The following RAD51 variants were observed in gnomAD, a reference collection of about 807,000 sequenced individuals.
The protein encoded by RAD51 is DNA repair protein RAD51 homolog 1.
In RAD51, 14 loss-of-function variants were observed where a neutral mutation model predicts 41.5. That is an observed-to-expected ratio of 0.34 (90% CI 0.22 to 0.53). RAD51 has a LOEUF of 0.53. RAD51 is among the 20% of genes least tolerant of loss of function. RAD51 has a pLI of 0.95. For missense variants in RAD51, 234 were observed against 422.0 expected (o/e 0.55, Z 3.90); for synonymous variants, 136 against 148.6 (o/e 0.92, Z 0.62).
At chr15:40,728,231 A>C (rs1036177026) in intron 6 of RAD51, among the ~76,000 whole-genome samples, 1 of 152,160 alleles carries the variant, frequency 6.6e-6, no homozygotes, top group Non-Finnish European at 1.5e-5. Flanking sequence ...TGGGAGGCCA[A>C]GGTGGGCGGA....
chr15:40,731,169 C>T lies in RAD51; in HGVS notation c.1011C>T (p.Ala337=), dbSNP rs202116013. The change falls in exon 10 of 10, where the codon GCC becomes GCT. Residue 337 remains alanine (A), a synonymous_variant. Coordinates refer to ENST00000267868, the MANE Select transcript of RAD51 (RefSeq NM_002875.5). ...FAINADGVGD[A]KD ...TTAATGCAGATGGAGTGGGAGATGC[C>T]AAAGACTGAATCATTGGGTTTTTCC... 1.5e-4 allele frequency: 244 copies of T among 1,613,888 alleles called. No homozygotes were observed. Among genetic ancestry groups the T allele is most frequent in the Non-Finnish European group, 1.9e-4 (223 of 1,179,988 alleles).
chr15:40,707,096 T>C (rs946796269), intron 4 of RAD51, among the ~76,000 whole-genome samples: 4 of 149,724 alleles, frequency 2.7e-5, no homozygotes, highest in African/African-American at 9.9e-5. Context: ...GCTCAAGTGA[T>C]CTTCTAGCCT....
chr15:40,729,372 CAAAAAAAAA>C (rs60375696), intron 7 of RAD51, 124 bp from the exon 8 acceptor site: 188 of 484,168 alleles, frequency 3.9e-4, no homozygotes, highest in Middle Eastern at 7.4e-4. Context: ...GACTCCATCT[CAAAAAAAAA>C]AAAAAAAAAA....
chr15:40,714,550 C>T (rs116246776), intron 5 of RAD51, among the ~76,000 whole-genome samples: 196 of 152,192 alleles, frequency 1.3e-3, no homozygotes, highest in African/African-American at 4.6e-3. Flanking sequence ...GCAAAATTCT[C>T]AAGTAAATAT....
upstream of RAD51, chr15:40,695,025 A>T (rs1202732274): frequency 6.6e-6 from 1 of 152,274 alleles, no homozygotes; most frequent in African/African-American, 2.4e-5. Context: ...AAAAGGGAAG[A>T]GGGCAGTCTG....
At chr15:40,712,877 C>CTTTTTTT (rs398039433) in intron 5 of RAD51, among the ~76,000 whole-genome samples, 1,100 of 103,652 alleles carry the variant, frequency 0.011, 7 homozygotes, top group East Asian at 0.018. Context: ...CTTTTCTTTT[C>CTTTTTTT]TTTTTTTTTT....
intron 5 of RAD51, among the ~76,000 whole-genome samples, chr15:40,714,802 A>G (rs1895905030): frequency 6.6e-6 from 1 of 152,248 alleles, no homozygotes; most frequent in South Asian, 2.1e-4. Flanking sequence ...TCTCTCTAAT[A>G]GAAAAGTCAT....
Position 40,731,779 on chromosome 15 carries a change from A to G in RAD51, c.*601A>G, listed in dbSNP as rs1896887302. 4.6e-6 allele frequency: 1 copy of G among 215,718 alleles called. No individual in the cohort carries two copies. 13.4% of individuals were successfully genotyped at this position (215,718 alleles called of 1,614,324 possible). ...GCTAAGACTAACTCAAGATAATCCT[A>G]GAGTCTTAAAGCATTTCAGGCCAGT... On this transcript the variant is annotated 3_prime_UTR_variant, in exon 10 of 10. Coordinates refer to ENST00000267868, the MANE Select transcript of RAD51 (RefSeq NM_002875.5).
intron 2 of RAD51, among the ~76,000 whole-genome samples, chr15:40,699,212 C>T (rs1288305626): frequency 2.6e-5 from 4 of 152,142 alleles, no homozygotes; most frequent in African/African-American, 7.2e-5. Flanking sequence ...GGCGTGATCT[C>T]GGCTCACCGC....
At chr15:40,726,130 T>C (rs1030043897) in intron 6 of RAD51, among the ~76,000 whole-genome samples, 2 of 152,242 alleles carry the variant, frequency 1.3e-5, no homozygotes, top group African/African-American at 4.8e-5. Context: ...TGAGATGAGC[T>C]TAGTTTTTCA....
chr15:40,729,414 A>T (rs894160204), intron 7 of RAD51, 91 bp from the exon 8 acceptor site: 4 of 1,455,882 alleles, frequency 2.7e-6, no homozygotes, highest in Non-Finnish European at 3.8e-6. Context: ...TACAGGAAAA[A>T]CTATGAATAT....
intron 5 of RAD51, among the ~76,000 whole-genome samples, chr15:40,709,371 C>T (rs1226998381): frequency 2.7e-5 from 3 of 110,888 alleles, no homozygotes; most frequent in East Asian, 2.8e-4. Flanking sequence ...TTACTTGCTA[C>T]TTTTTTTTTT....
intron 5 of RAD51, among the ~76,000 whole-genome samples, chr15:40,712,449 T>C (rs1238868831): frequency 1.3e-5 from 2 of 152,118 alleles, no homozygotes; most frequent in Non-Finnish European, 2.9e-5. Flanking sequence ...AAACGAAAGA[T>C]CCATGAGAAA....
At chr15:40,723,553 A>G (rs4924500) in intron 6 of RAD51, among the ~76,000 whole-genome samples, 33,831 of 152,120 alleles carry the variant, frequency 0.22, 4,768 homozygotes, top group East Asian at 0.67. Flanking sequence ...AATATGCTAA[A>G]TGATAGAAGT....
intron 6 of RAD51, among the ~76,000 whole-genome samples, chr15:40,727,356 T>C (rs1896639486): frequency 6.6e-6 from 1 of 152,120 alleles, no homozygotes; most frequent in Non-Finnish European, 1.5e-5. Context: ...TCACCCAGGA[T>C]GGAGTGCAGT....
At chr15:40,703,451 A>G (rs1263795192) in intron 3 of RAD51, among the ~76,000 whole-genome samples, 2 of 152,172 alleles carry the variant, frequency 1.3e-5, no homozygotes, top group Non-Finnish European at 2.9e-5. Flanking sequence ...TTTTTCAGCT[A>G]TTTGTTGATT....
intron 5 of RAD51, among the ~76,000 whole-genome samples, chr15:40,710,018 G>A (rs1306105344): frequency 6.6e-6 from 1 of 151,856 alleles, no homozygotes; most frequent in African/African-American, 2.4e-5. Context: ...CGAGGTGGGC[G>A]GATCACAAGG....
At chr15:40,719,155 T>G (rs1393632545) in intron 6 of RAD51, among the ~76,000 whole-genome samples, 6 of 151,758 alleles carry the variant, frequency 4.0e-5, no homozygotes, top group African/African-American at 1.5e-4. Context: ...CCTCCCGGGT[T>G]CAAGCAACTC....
Sources: gnomAD v4.1 joint callset for allele counts (sites outside exome capture counted in the v4.1 genomes callset) on GRCh38, gnomAD v4.1.1 for gene constraint, MANE v1.5 for transcripts, NCBI Gene and HGNC (gene_info 2026-07-23, HGNC 2026-07-21) for gene names.